MYO16: variants seen among roughly 807,000 people sequenced by gnomAD.
MYO16 encodes the protein unconventional myosin-XVI.
MYO16 carries 94 observed loss-of-function variants against 205.3 expected under a neutral mutation model. The ratio of observed to expected loss-of-function variants is 0.46; its 90% CI spans 0.39 to 0.54. The LOEUF (loss-of-function observed/expected upper bound fraction) is 0.54, where lower values mean the gene tolerates loss of function less well. Ranked by LOEUF, MYO16 falls within the 20% of genes least tolerant of loss-of-function variation. MYO16 has a pLI of 0.00. For synonymous variants in MYO16, 988 were observed against 954.0 expected (o/e 1.04, Z -0.66); for missense variants, 2,315 against 2,387.5 (o/e 0.97, Z 0.63).
chr13:108,972,040 C>G (rs971987967), intron 20 of MYO16, among the ~76,000 whole-genome samples: 2 of 149,362 alleles, frequency 1.3e-5, no homozygotes, highest in Non-Finnish European at 3.0e-5. Context: ...ACCCCACCCC[C>G]CAAAAAAATA....
In MYO16 at chr13:109,206,904, T is replaced by G; in HGVS notation, c.*68T>G. The stretch of plus-strand genomic sequence containing the variant: ...ATTCCGGGCTGCAACAACAGAAGGC[T>G]GCCTTCTGACATGCGCTGGGGCTTC... On this transcript the variant is annotated 3_prime_UTR_variant, in exon 35 of 35. Transcript: ENST00000457511. 1 of 1,418,196 alleles carries G rather than the reference T, an allele frequency of 7.1e-7. No individual in the cohort carries two copies. Among genetic ancestry groups the G allele is most frequent in the Non-Finnish European group, 9.7e-7 (1 of 1,025,850 alleles). 87.9% of individuals were successfully genotyped at this position (1,418,196 alleles called of 1,614,324 possible). A position where few individuals can be genotyped will look rare whatever the true frequency, so the allele number is the denominator to read the frequency against.
At chr13:108,982,430 G>A (rs277794) in intron 20 of MYO16, among the ~76,000 whole-genome samples, 1,843 of 151,950 alleles carry the variant, frequency 0.012, 36 homozygotes, top group African/African-American at 0.043. Context: ...GGAGCGTTTG[G>A]GCTGGAAGAT....
At chr13:109,037,491 T>C (rs376850868) in intron 23 of MYO16, among the ~76,000 whole-genome samples, 1 of 152,196 alleles carries the variant, frequency 6.6e-6, no homozygotes, top group Non-Finnish European at 1.5e-5. Context: ...ACCTAGGTAA[T>C]GCCATGAGTC....
At chr13:108,911,066 C>CACACACACACACACACACACAG (rs59417999) in intron 16 of MYO16, among the ~76,000 whole-genome samples, 23 of 143,124 alleles carry the variant, frequency 1.6e-4, no homozygotes, top group African/African-American at 4.7e-4. Context: ...CACACACACA[C>CACACACACACACACACACACAG]AGAGAGAGAG....
chr13:108,934,543 G>A (rs1882397628), intron 16 of MYO16, among the ~76,000 whole-genome samples: 1 of 152,036 alleles, frequency 6.6e-6, no homozygotes, highest in South Asian at 2.1e-4. Flanking sequence ...CATTCTGTAG[G>A]TTGCCTGTTT....
rs537939903 is a variant in MYO16, at chr13:109,033,194, C to T, written c.2796+13283C>T. On this transcript the variant is annotated intron_variant, in intron 23 of 34. Coordinates refer to ENST00000457511, the MANE Select transcript of MYO16 (RefSeq NM_001198950.3). ...GCAACATCCATGTTTTCACCCTTTGCCCAGGGCTCCGTTTCCTCTCGTCTC... is the reference window on the plus strand; with the variant it reads ...GCAACATCCATGTTTTCACCCTTTGTCCAGGGCTCCGTTTCCTCTCGTCTC... Among the ~76,000 whole-genome samples, 19 of 152,232 alleles carry T rather than the reference C, an allele frequency of 1.2e-4. No homozygotes were observed. In the South Asian group the frequency reaches 3.7e-3, roughly 30 times the overall value.
intron 34 of MYO16, chr13:109,201,491 C>CAAAAAAAAAAAAAAAAAAAAAAA (rs3042152): frequency 1.0e-5 from 1 of 97,378 alleles, no homozygotes; most frequent in African/African-American, 4.0e-5. Flanking sequence ...TCGTCTTCTA[C>CAAAAAAAAAAAAAAAAAAAAAAA]AAAAAAAAAA....
the MYO16 span, among the ~76,000 whole-genome samples, chr13:108,500,453 C>G: frequency 4.0e-5 from 6 of 151,890 alleles, no homozygotes; most frequent in African/African-American, 9.7e-5. Context: ...TGGTCTTGAA[C>G]TCCTGACATC....
chr13:109,073,167 T>A (rs1887979641), intron 27 of MYO16, among the ~76,000 whole-genome samples: 1 of 151,578 alleles, frequency 6.6e-6, no homozygotes, highest in Admixed American at 6.6e-5. Context: ...AGTGGCGCAA[T>A]CTCAGCTCAC....
chr13:109,106,805 A>G (rs1889134252), intron 28 of MYO16, among the ~76,000 whole-genome samples: 1 of 152,160 alleles, frequency 6.6e-6, no homozygotes, highest in Admixed American at 6.5e-5. Context: ...TTTCACTGAT[A>G]GTTCAAGAAG....
chr13:108,732,704 C>T (rs371848080), intron 4 of MYO16, among the ~76,000 whole-genome samples: 12 of 152,148 alleles, frequency 7.9e-5, no homozygotes, highest in Admixed American at 3.3e-4. Flanking sequence ...AAAGAAGTGA[C>T]GTGATGGCTT....
At chr13:108,823,846 A>G (rs911120629) in intron 9 of MYO16, among the ~76,000 whole-genome samples, 2 of 152,134 alleles carry the variant, frequency 1.3e-5, no homozygotes, top group Admixed American at 6.6e-5. Flanking sequence ...AACTCATAAG[A>G]TAATGCTTAT....
In MYO16 at chr13:109,055,466, C is replaced by G. The variant is rs1887385662; in HGVS notation, c.3206C>G (p.Ser1069Ter). Residue 1069 changes from serine to a stop codon, truncating the protein, a stop_gained, in exon 27 of 35, where the codon TCA (serine) becomes TGA (stop). Coordinates refer to ENST00000457511, the MANE Select transcript of MYO16 (RefSeq NM_001198950.3). LOFTEE classifies it high-confidence loss of function. The surrounding 1 kb of genome is among the most constrained non-coding windows in gnomAD (Gnocchi z 5.0). ...ATTCATTGCATCAGGCCCAATAACT[C>G]AAAGCTGCCAGATACTTTTGATAAT... ...HFIHCIRPNN[S>*]KLPDTFDNFY... The G allele has an allele frequency of 3.1e-6, 5 of 1,613,056 alleles. No homozygotes were observed. Among genetic ancestry groups the G allele is most frequent in the Non-Finnish European group, 4.2e-6 (5 of 1,179,442 alleles).
At chr13:108,603,067 T>A (rs1379099804) in intron 1 of MYO16, among the ~76,000 whole-genome samples, 1 of 152,130 alleles carries the variant, frequency 6.6e-6, no homozygotes, top group Non-Finnish European at 1.5e-5. Flanking sequence ...AAATCTAAAA[T>A]GAATTATGAG....
chr13:108,966,703 A>C (rs550584945), intron 20 of MYO16, among the ~76,000 whole-genome samples: 2 of 152,196 alleles, frequency 1.3e-5, no homozygotes, highest in African/African-American at 2.4e-5. Context: ...CGTAACTCCC[A>C]TATTTTCTTC....
intron 14 of MYO16, among the ~76,000 whole-genome samples, chr13:108,890,720 C>T (rs1412480984): frequency 6.6e-6 from 1 of 152,164 alleles, no homozygotes; most frequent in Non-Finnish European, 1.5e-5. Context: ...CTGCCATCAG[C>T]CTGTATCACC....
At chr13:108,507,134 G>T in the MYO16 span, among the ~76,000 whole-genome samples, 2 of 152,052 alleles carry the variant, frequency 1.3e-5, no homozygotes, top group Non-Finnish European at 2.9e-5. Context: ...ATGTATCCTT[G>T]ACTTAAAATA....
intron 20 of MYO16, among the ~76,000 whole-genome samples, chr13:108,966,211 A>G (rs34469590): frequency 0.095 from 14,390 of 152,218 alleles, 778 homozygotes; most frequent in African/African-American, 0.11. Context: ...GCTATTGTTT[A>G]TTGTTATCAG....
upstream of MYO16, among the ~76,000 whole-genome samples, chr13:108,624,854 T>C (rs1268515824): frequency 1.3e-5 from 2 of 151,328 alleles, no homozygotes; most frequent in African/African-American, 2.4e-5. Context: ...TCAATGCACA[T>C]GCATGTATTT....
Sources: gnomAD v4.1 joint callset for allele counts (sites outside exome capture counted in the v4.1 genomes callset) on GRCh38, gnomAD v4.1.1 for gene constraint, Gnocchi (gnomAD v3.1) non-coding constraint, MANE v1.5 for transcripts, NCBI Gene and HGNC (gene_info 2026-07-23, HGNC 2026-07-21) for gene names.